Variants in PRKN observed in about 807,000 individuals in gnomAD.
PRKN encodes the protein E3 ubiquitin-protein ligase parkin.
A neutral mutation model predicts 59.5 loss-of-function variants in PRKN; 56 were observed. The observed-to-expected ratio is 0.94, with a 90% CI of 0.76 to 1.18. PRKN has a LOEUF of 1.18. Ranked by LOEUF, PRKN falls within the 50% of genes most tolerant of loss-of-function variation. PRKN has a pLI of 0.00. For missense variants in PRKN, 657 were observed against 596.4 expected (o/e 1.10, Z -1.06); for synonymous variants, 250 against 222.1 (o/e 1.13, Z -1.12).
rs1781089166 is a variant in PRKN, at chr6:161,575,332, T to C, written c.872-5916A>G. On this transcript the variant is annotated intron_variant, in intron 7 of 11. Transcript: ENST00000366898. This position sits in a 1 kb window ranked among gnomAD's most constrained non-coding sequence, Gnocchi z 4.6. ...ATCATCTAACGGGGAAGCTCCTCAATGAAAACGCGTCACAAAGTTGTGTAG... is the reference window on the plus strand; with the variant it reads ...ATCATCTAACGGGGAAGCTCCTCAACGAAAACGCGTCACAAAGTTGTGTAG... 6.6e-6 allele frequency among the ~76,000 whole-genome samples: 1 copy of C among 152,148 alleles called. No individual in the cohort carries two copies. Among genetic ancestry groups the C allele is most frequent in the African/African-American group, 2.4e-5 (1 of 41,424 alleles).
intron 6 of PRKN, among the ~76,000 whole-genome samples, chr6:161,844,303 G>A (rs1258887556): frequency 6.6e-6 from 1 of 152,140 alleles, no homozygotes; most frequent in Non-Finnish European, 1.5e-5. Context: ...CGCATCAAAA[G>A]CAGAAATGAA....
rs970304415 is a variant in PRKN at position 161,373,682 on chromosome 6, G to C, written c.1167+13112C>G. ...TACACCTCTGTGCTTGCGGGGTGCTGAGTTTAAACGGGCTATGCCTCTGTG... is the reference window on the plus strand; with the variant it reads ...TACACCTCTGTGCTTGCGGGGTGCTCAGTTTAAACGGGCTATGCCTCTGTG... On this transcript the variant is annotated intron_variant, in intron 10 of 11. Transcript: ENST00000366898. The surrounding 1 kb of genome is among the most constrained non-coding windows in gnomAD (Gnocchi z 4.8). 6.6e-6 allele frequency among the ~76,000 whole-genome samples: 1 copy of C among 151,990 alleles called. No individual in the cohort carries two copies. The highest frequency in any genetic ancestry group is 1.9e-4 in the East Asian group (1 of 5,154).
At position 161,549,136 on chromosome 6, in the gene PRKN, GTGTGTA is replaced by G. The variant is rs2115427355; in HGVS notation, c.934-139_934-134del. 3 of 806,472 alleles carry G rather than the reference GTGTGTA, an allele frequency of 3.7e-6. No individual in the cohort carries two copies. The highest frequency in any genetic ancestry group is 6.1e-6 in the Non-Finnish European group (3 of 495,300). 50.0% of individuals were successfully genotyped at this position (806,472 alleles called of 1,614,324 possible). On this transcript the variant is annotated intron_variant, in intron 8 of 11. Coordinates refer to ENST00000366898, the MANE Select transcript of PRKN (RefSeq NM_004562.3). This position sits in a 1 kb window ranked among gnomAD's most constrained non-coding sequence, Gnocchi z 6.0. ...ATAATGCATGTGTGTGTGTGTGTGT[GTGTGTA>G]GGGGGAGGGAGAGGGCCACGGGGTT...
At chr6:162,134,929 A>G (rs548476415) in intron 4 of PRKN, among the ~76,000 whole-genome samples, 7 of 152,302 alleles carry the variant, frequency 4.6e-5, no homozygotes, top group African/African-American at 1.4e-4. Flanking sequence ...GAAACTGTTC[A>G]TACTGAAACT....
At position 161,918,636 on chromosome 6, in the gene PRKN, A is replaced by G. The variant is rs184779815; in HGVS notation, c.734+54666T>C. 1.9e-4 allele frequency among the ~76,000 whole-genome samples: 29 copies of G among 152,348 alleles called. 1 individual carries two copies. In the East Asian group the frequency reaches 5.6e-3, roughly 29 times the overall value. ...TATCTTTGTACCCACAAAATGCTTA[A>G]CGAACTCAGTGGGGTGAGTTCTTTT... is the stretch of plus-strand genomic sequence containing the variant. On this transcript the variant is annotated intron_variant, in intron 6 of 11. Transcript: ENST00000366898.
intron 7 of PRKN, among the ~76,000 whole-genome samples, chr6:161,687,649 G>T (rs978705716): frequency 6.7e-6 from 1 of 148,534 alleles, no homozygotes; most frequent in African/African-American, 2.4e-5. Flanking sequence ...TAGAGACGGG[G>T]TGTCACCATA....
intron 5 of PRKN, among the ~76,000 whole-genome samples, chr6:162,007,649 T>G (rs530792922): frequency 2.6e-5 from 4 of 152,230 alleles, no homozygotes; most frequent in South Asian, 4.1e-4. Context: ...GTAATCCATC[T>G]GCTCATCACA....
Position 161,386,935 on chromosome 6 carries a change from C to A in PRKN, c.1084-58G>T. The A allele has an allele frequency of 7.3e-7, 1 of 1,373,774 alleles. No individual in the cohort carries two copies. The highest frequency in any genetic ancestry group is 1.2e-5 in the South Asian group (1 of 86,160). The allele number at this position is 1,373,774 out of a possible 1,614,324, so 85.1% of individuals were successfully genotyped here. On this transcript the variant is annotated intron_variant, in intron 9 of 11. Coordinates refer to ENST00000366898, the MANE Select transcript of PRKN (RefSeq NM_004562.3). The surrounding 1 kb of genome is among the most constrained non-coding windows in gnomAD (Gnocchi z 4.3). ...CATTAGGTTGCATTTGGCAATAACA[C>A]ATTTTTCCTTTTCCAAATTCATTAT...
chr6:162,101,620 C>T (rs989226962), intron 4 of PRKN, among the ~76,000 whole-genome samples: 1 of 151,524 alleles, frequency 6.6e-6, no homozygotes, highest in African/African-American at 2.4e-5. Context: ...TGCAGTGAGC[C>T]GAGATCGTGC....
intron 9 of PRKN, among the ~76,000 whole-genome samples, chr6:161,504,660 GCTATCC>G (rs1778086701): frequency 6.8e-6 from 1 of 146,306 alleles, no homozygotes; most frequent in African/African-American, 2.5e-5. Flanking sequence ...ATCTCCCAAT[GCTATCC>G]CTCCCCCCTC....
At chr6:161,366,969 GTTTT>G (rs1211526607) in intron 10 of PRKN, among the ~76,000 whole-genome samples, 22 of 134,582 alleles carry the variant, frequency 1.6e-4, no homozygotes, top group South Asian at 2.5e-4. Flanking sequence ...GTTTTTTGGG[GTTTT>G]TTTGTTTCCT....
intron 5 of PRKN, among the ~76,000 whole-genome samples, chr6:162,040,572 AT>A (rs35272845): frequency 0.51 from 57,039 of 112,840 alleles, 12,608 homozygotes; most frequent in Middle Eastern, 0.6. Context: ...ATGCCCGGCT[AT>A]TTTTTTTTTT....
intron 6 of PRKN, among the ~76,000 whole-genome samples, chr6:161,968,565 C>G (rs192787910): frequency 6.6e-6 from 1 of 151,988 alleles, no homozygotes; most frequent in Non-Finnish European, 1.5e-5. Flanking sequence ...ATAAGGAGTA[C>G]GCAGAAACTA....
intron 3 of PRKN, among the ~76,000 whole-genome samples, chr6:162,210,482 T>A (rs775996993): frequency 2.0e-5 from 3 of 152,202 alleles, no homozygotes; most frequent in Non-Finnish European, 4.4e-5. Flanking sequence ...GTGGCTACTT[T>A]CCTGTTTAAT....
At chr6:162,400,980 G>A (rs1787764593) in intron 2 of PRKN, among the ~76,000 whole-genome samples, 1 of 152,126 alleles carries the variant, frequency 6.6e-6, no homozygotes, top group East Asian at 1.9e-4. Context: ...AAATCCAAAT[G>A]AGAATCACAG....
At chr6:162,356,336 C>G (rs934223178) in intron 2 of PRKN, among the ~76,000 whole-genome samples, 5 of 151,904 alleles carry the variant, frequency 3.3e-5, no homozygotes, top group African/African-American at 9.7e-5. Flanking sequence ...GCCGTCCCCC[C>G]ACCCCCATCC....
chr6:161,874,563 TAA>T (rs1345240361), intron 6 of PRKN, among the ~76,000 whole-genome samples: 1 of 114,832 alleles, frequency 8.7e-6, no homozygotes, highest in African/African-American at 3.7e-5. Flanking sequence ...ATATTATATA[TAA>T]AATATATATT....
rs891347588 is a variant in PRKN at position 161,538,747 on chromosome 6, T to G, written c.1083+10107A>C. 6.6e-6 allele frequency among the ~76,000 whole-genome samples: 1 copy of G among 152,162 alleles called. No homozygotes were observed. Among genetic ancestry groups the G allele is most frequent in the African/African-American group, 2.4e-5 (1 of 41,430 alleles). ...CAGTGCCCATGGGACTGGCTGGTCT[T>G]TACCCAAGAAAAGCCCTATTACCTC... On this transcript the variant is annotated intron_variant, in intron 9 of 11. Transcript: ENST00000366898. This position sits in a 1 kb window ranked among gnomAD's most constrained non-coding sequence, Gnocchi z 4.2.
At position 161,388,378 on chromosome 6, in the gene PRKN, G is replaced by C. The variant is rs996380178; in HGVS notation, c.1084-1501C>G. Reference sequence around the variant, plus strand: ...TATTTTGCCCCTACTCCATTTCATAGGAAGGAGTTTCCTCACCAGAAAACT... The same window carrying C: ...TATTTTGCCCCTACTCCATTTCATACGAAGGAGTTTCCTCACCAGAAAACT... On this transcript the variant is annotated intron_variant, in intron 9 of 11. Transcript: ENST00000366898. The surrounding 1 kb of genome is among the most constrained non-coding windows in gnomAD (Gnocchi z 4.3). 6.6e-6 allele frequency among the ~76,000 whole-genome samples: 1 copy of C among 152,218 alleles called. No individual in the cohort carries two copies.
Sources: allele counts gnomAD v4.1 joint callset (sites outside exome capture counted in the v4.1 genomes callset), GRCh38; gene constraint gnomAD v4.1.1; non-coding constraint Gnocchi (gnomAD v3.1); transcripts MANE v1.5; gene names NCBI Gene and HGNC (gene_info 2026-07-23, HGNC 2026-07-21).